ITM2B: variants seen among roughly 807,000 people sequenced by gnomAD.
The protein encoded by ITM2B is ABri/ADan amyloid peptide.
In ITM2B, 11 loss-of-function variants were observed where a neutral mutation model predicts 27.8. The observed-to-expected ratio is 0.40, with a 90% CI of 0.25 to 0.66. The LOEUF is 0.66. ITM2B is among the 30% of genes least tolerant of loss of function. The pLI is 0.43. For missense variants in ITM2B, 296 were observed against 328.9 expected (o/e 0.90, Z 0.77); for synonymous variants, 114 against 114.3 (o/e 1.00, Z 0.02).
In ITM2B at chr13:48,269,312, CA is replaced by C. The variant is rs1438869125; in HGVS notation, c.*8089del. Reference sequence around the variant, plus strand: ...CTAACATAGTAGTCAAAGCTGCTATCATCTCTTGCTTGGATTGGTGCAATGG... The same window carrying C: ...CTAACATAGTAGTCAAAGCTGCTATCTCTCTTGCTTGGATTGGTGCAATGG... On this transcript the variant is annotated 3_prime_UTR_variant, in exon 6 of 6. Transcript: ENST00000647800. 1.3e-5 allele frequency: 2 copies of C among 152,268 alleles called. No homozygotes were observed. The allele number at this position is 152,268 out of a possible 1,614,324, so 9.4% of individuals were successfully genotyped here.
Position 48,262,179 on chromosome 13 carries a change from CTG to C in ITM2B, c.*958_*959del, listed in dbSNP as rs1226116202. Reference sequence around the variant, plus strand: ...AAAGTTTCCAAGGAACGTAAAATAACTGTGCTTCTCTGAGAATGCCCGCCTCA... The same window carrying C: ...AAAGTTTCCAAGGAACGTAAAATAACTGCTTCTCTGAGAATGCCCGCCTCA... On this transcript the variant is annotated 3_prime_UTR_variant, in exon 6 of 6. Transcript: ENST00000647800. 19 of 152,132 alleles carry C rather than the reference CTG, an allele frequency of 1.2e-4. No individual in the cohort carries two copies. The highest frequency in any genetic ancestry group is 2.1e-4 in the South Asian group (1 of 4,836). The allele number at this position is 152,132 out of a possible 1,614,324, so 9.4% of individuals were successfully genotyped here.
Position 48,264,244 on chromosome 13 carries a change from C to T in ITM2B, c.*3020C>T, listed in dbSNP as rs530565493. 18 of 152,180 alleles carry T rather than the reference C, an allele frequency of 1.2e-4. No homozygotes were observed. Among genetic ancestry groups the T allele is most frequent in the African/African-American group, 4.3e-4 (18 of 41,538 alleles). The allele number at this position is 152,180 out of a possible 1,614,324, so 9.4% of individuals were successfully genotyped here. A position where few individuals can be genotyped will look rare whatever the true frequency, so the allele number is the denominator to read the frequency against. ...GAAACCTATCACTGCTATATGTTAGCAAGCAAACACTGATCTTGTTTTGTA... is the reference window on the plus strand; with the variant it reads ...GAAACCTATCACTGCTATATGTTAGTAAGCAAACACTGATCTTGTTTTGTA... On this transcript the variant is annotated 3_prime_UTR_variant, in exon 6 of 6. Transcript: ENST00000647800.
In ITM2B at chr13:48,264,617, C is replaced by A. The variant is rs1951842180; in HGVS notation, c.*3393C>A. ...GTTATATAAATCCTACTCTATTGCACACTAATCTTTGCATGTTTAACTCTT... is the reference window on the plus strand; with the variant it reads ...GTTATATAAATCCTACTCTATTGCAAACTAATCTTTGCATGTTTAACTCTT... On this transcript the variant is annotated 3_prime_UTR_variant, in exon 6 of 6. Transcript: ENST00000647800. 6.6e-6 allele frequency: 1 copy of A among 152,128 alleles called. No homozygotes were observed. The highest frequency in any genetic ancestry group is 6.5e-5 in the Admixed American group (1 of 15,270). 9.4% of individuals were successfully genotyped at this position (152,128 alleles called of 1,614,324 possible). A position where few individuals can be genotyped will look rare whatever the true frequency, so the allele number is the denominator to read the frequency against.
chr13:48,234,382 C>T (rs574131582), intron 1 of ITM2B, among the ~76,000 whole-genome samples: 37 of 152,268 alleles, frequency 2.4e-4, no homozygotes, highest in Non-Finnish European at 3.7e-4. Context: ...CCCACAGCCT[C>T]TTACCCAGAC....
At position 48,256,370 on chromosome 13, in the gene ITM2B, A is replaced by C; in HGVS notation, c.440A>C (p.His147Pro). ...FADSDPANIV[H>P]DFNKKLTAYL... ...GATAGTGATCCTGCCAACATTGTTC[A>C]TGACTTTAACAAGGTGAGCCAAGTG... The change falls in exon 3 of 6, where the codon CAT (histidine) becomes CCT (proline). Residue 147 changes from histidine (H) to proline (P), a missense_variant. His to Pro is a moderately conservative substitution (Grantham distance 77). Coordinates refer to ENST00000647800, the MANE Select transcript of ITM2B (RefSeq NM_021999.5). The C allele has an allele frequency of 6.2e-7, 1 of 1,613,358 alleles. No homozygotes were observed. The highest frequency in any genetic ancestry group is 8.5e-7 in the Non-Finnish European group (1 of 1,179,388).
chr13:48,260,506 C>T (rs1466306301), intron 5 of ITM2B, among the ~76,000 whole-genome samples: 1 of 152,102 alleles, frequency 6.6e-6, no homozygotes, highest in Non-Finnish European at 1.5e-5. Context: ...TCAACCCTTA[C>T]CTCCTCCCTC....
In ITM2B at chr13:48,234,970, C is replaced by G. The variant is rs574069525; in HGVS notation, c.117+1493C>G. ...CTAAAATAGATTGAGAGTCAAGTAT[C>G]CAGTCACAACAGTCTCAAATATATG... On this transcript the variant is annotated intron_variant, in intron 1 of 5. Transcript: ENST00000647800. 5.9e-5 allele frequency among the ~76,000 whole-genome samples: 9 copies of G among 152,114 alleles called. No individual in the cohort carries two copies. In the South Asian group the frequency reaches 1.9e-3, roughly 32 times the overall value.
chr13:48,255,877 G>A (rs1317791420), intron 2 of ITM2B, among the ~76,000 whole-genome samples: 2 of 152,000 alleles, frequency 1.3e-5, no homozygotes, highest in Non-Finnish European at 2.9e-5. Flanking sequence ...GAGTAGGTCT[G>A]TTGTTTCTTT....
rs1951861986 is a variant in ITM2B, at chr13:48,267,934, G to A, written c.*6710G>A. 6.6e-6 allele frequency: 1 copy of A among 152,084 alleles called. No individual in the cohort carries two copies. The highest frequency in any genetic ancestry group is 1.5e-5 in the Non-Finnish European group (1 of 68,028). The allele number at this position is 152,084 out of a possible 1,614,324, so 9.4% of individuals were successfully genotyped here. On this transcript the variant is annotated 3_prime_UTR_variant, in exon 6 of 6. Coordinates refer to ENST00000647800, the MANE Select transcript of ITM2B (RefSeq NM_021999.5). ...GTTTTATAGATAGTTTACATGCAAC[G>A]AAATGCATATATCTTAAGTGTTCAA...
chr13:48,257,523 G>C (rs1034318851), intron 3 of ITM2B, among the ~76,000 whole-genome samples: 2 of 152,096 alleles, frequency 1.3e-5, no homozygotes, highest in African/African-American at 4.8e-5. Context: ...TTATAAACCA[G>C]TTTGAAAATT....
At chr13:48,247,089 G>A (rs1236706736) in intron 1 of ITM2B, among the ~76,000 whole-genome samples, 3 of 152,162 alleles carry the variant, frequency 2.0e-5, no homozygotes, top group Non-Finnish European at 4.4e-5. Flanking sequence ...GTCTCCCAAA[G>A]TGCTGGGATT....
At chr13:48,244,708 C>T (rs1009380150) in intron 1 of ITM2B, among the ~76,000 whole-genome samples, 1 of 152,032 alleles carries the variant, frequency 6.6e-6, no homozygotes, top group African/African-American at 2.4e-5. Flanking sequence ...GAGTCTAGAA[C>T]AGGTTTGTTC....
Position 48,267,674 on chromosome 13 carries a change from T to G in ITM2B, c.*6450T>G, listed in dbSNP as rs1189780752. 6.6e-6 allele frequency: 1 copy of G among 152,240 alleles called. No homozygotes were observed. The highest frequency in any genetic ancestry group is 2.1e-4 in the South Asian group (1 of 4,836). 9.4% of individuals were successfully genotyped at this position (152,240 alleles called of 1,614,324 possible). On this transcript the variant is annotated 3_prime_UTR_variant, in exon 6 of 6. Coordinates refer to ENST00000647800, the MANE Select transcript of ITM2B (RefSeq NM_021999.5). ...AAAGCATTATGTCATATCTAGTACT[T>G]CTTATCTAAGTATTTTAAAATTTAG... is the stretch of plus-strand genomic sequence containing the variant.
rs1185938919 is a variant in ITM2B at position 48,233,229 on chromosome 13, A to G, written c.-132A>G. On this transcript the variant is annotated 5_prime_UTR_variant, in exon 1 of 6. Coordinates refer to ENST00000647800, the MANE Select transcript of ITM2B (RefSeq NM_021999.5). ...GCAGTAGCCGCCTCTGCCGCCGCGG[A>G]GCTTCCCGAACCTCTTCAGCCGCCC... 5.9e-6 allele frequency: 3 copies of G among 511,734 alleles called. No individual in the cohort carries two copies. The highest frequency in any genetic ancestry group is 1.0e-5 in the Non-Finnish European group (3 of 295,484). The allele number at this position is 511,734 out of a possible 1,614,324, so 31.7% of individuals were successfully genotyped here.
intron 5 of ITM2B, 56 bp from the exon 6 acceptor site, chr13:48,261,083 G>A: frequency 9.2e-7 from 1 of 1,090,972 alleles, no homozygotes; most frequent in Non-Finnish European, 1.4e-6. Context: ...AAAATGATGT[G>A]AATATTTATT....
intron 1 of ITM2B, among the ~76,000 whole-genome samples, chr13:48,247,113 A>G (rs1034491463): frequency 6.6e-6 from 1 of 152,244 alleles, no homozygotes; most frequent in African/African-American, 2.4e-5. Flanking sequence ...GGCATGAGCC[A>G]CTGCGCTTGG....
rs9332277 is a variant in ITM2B, at chr13:48,253,990, C to T, written c.246+54C>T. The T allele has an allele frequency of 2.2e-4, 333 of 1,517,758 alleles. No individual in the cohort carries two copies. The African/African-American group carries it at 3.9e-3, about 18-fold the overall frequency. 94.0% of individuals were successfully genotyped at this position (1,517,758 alleles called of 1,614,324 possible). A position where few individuals can be genotyped will look rare whatever the true frequency, so the allele number is the denominator to read the frequency against. On this transcript the variant is annotated intron_variant, in intron 2 of 5. Coordinates refer to ENST00000647800, the MANE Select transcript of ITM2B (RefSeq NM_021999.5). ...GATTTTTTTTTTTTTTTGCCTCTCCCGATGTGCATTACAAAATTGTTTACA... is the reference window on the plus strand; with the variant it reads ...GATTTTTTTTTTTTTTTGCCTCTCCTGATGTGCATTACAAAATTGTTTACA...
chr13:48,253,991 G>A (rs1951771117), intron 2 of ITM2B, 55 bp downstream of exon 2: 17 of 1,511,318 alleles, frequency 1.1e-5, no homozygotes, highest in East Asian at 2.3e-5. Flanking sequence ...TGCCTCTCCC[G>A]ATGTGCATTA....
chr13:48,261,325 A>G lies in ITM2B; in HGVS notation c.*101A>G. ...ATTTTTTAAAGTCTTCTTTCATGTAAGTAGCAAACAGGGCTTTACTATCTT... is the reference window on the plus strand; with the variant it reads ...ATTTTTTAAAGTCTTCTTTCATGTAGGTAGCAAACAGGGCTTTACTATCTT... On this transcript the variant is annotated 3_prime_UTR_variant, in exon 6 of 6. Transcript: ENST00000647800. 5 of 820,704 alleles carry G rather than the reference A, an allele frequency of 6.1e-6. No individual in the cohort carries two copies. In the Admixed American group the frequency reaches 9.4e-5, roughly 15 times the overall value. 50.8% of individuals were successfully genotyped at this position (820,704 alleles called of 1,614,324 possible). A position where few individuals can be genotyped will look rare whatever the true frequency, so the allele number is the denominator to read the frequency against.
Sources: gnomAD v4.1 joint callset for allele counts (sites outside exome capture counted in the v4.1 genomes callset) on GRCh38, gnomAD v4.1.1 for gene constraint, MANE v1.5 for transcripts, NCBI Gene and HGNC (gene_info 2026-07-23, HGNC 2026-07-21) for gene names.